RSBN1L: variants seen among roughly 807,000 people sequenced by gnomAD.
The protein encoded by RSBN1L is round spermatid basic protein 1 like.
Under a neutral mutation model 67.7 loss-of-function variants are expected in RSBN1L, and 30 were observed. The ratio of observed to expected loss-of-function variants is 0.44; its 90% confidence interval spans 0.33 to 0.60. The LOEUF (loss-of-function observed/expected upper bound fraction) is 0.60. RSBN1L is among the 20% of genes least tolerant of loss of function. The pLI, the probability that RSBN1L is intolerant of heterozygous loss-of-function variation, is 0.02. For missense variants in RSBN1L, 992 were observed against 1,031.7 expected (o/e 0.96, Z 0.53); for synonymous variants, 433 against 387.0 (o/e 1.12, Z -1.39).
At chr7:77,759,708 A>T (rs1473233505) in intron 3 of RSBN1L, 1 of 152,188 alleles carries the variant, frequency 6.6e-6, no homozygotes, top group Non-Finnish European at 1.5e-5. Flanking sequence ...AAATATCTGT[A>T]TCTCCATATT....
intron 1 of RSBN1L, among the ~76,000 whole-genome samples, chr7:77,720,218 T>G (rs1584280398): frequency 1.3e-5 from 2 of 152,182 alleles, no homozygotes; most frequent in African/African-American, 4.8e-5. Flanking sequence ...TGCTTAAAAT[T>G]AGGTATTGTG....
chr7:77,698,660 T>C (rs989224469), intron 1 of RSBN1L, among the ~76,000 whole-genome samples: 6 of 152,208 alleles, frequency 3.9e-5, no homozygotes, highest in East Asian at 1.9e-4. Flanking sequence ...TTAGAATCCT[T>C]CTTCTTTTGA....
At chr7:77,746,572 C>G (rs1791487341) in intron 2 of RSBN1L, among the ~76,000 whole-genome samples, 1 of 152,170 alleles carries the variant, frequency 6.6e-6, no homozygotes, top group Non-Finnish European at 1.5e-5. Context: ...ATGTCCTTCT[C>G]ACATTGCAAA....
chr7:77,709,644 A>G (rs575048414), intron 1 of RSBN1L, among the ~76,000 whole-genome samples: 6 of 152,214 alleles, frequency 3.9e-5, no homozygotes, highest in African/African-American at 1.2e-4. Flanking sequence ...CTTAGTTCCT[A>G]GGTAAGCAAT....
chr7:77,765,373 GATA>G (rs556024756), intron 3 of RSBN1L, 119 bp from the exon 4 acceptor site: 62 of 767,766 alleles, frequency 8.1e-5, no homozygotes, highest in East Asian at 4.2e-4. Flanking sequence ...AATATTCTGA[GATA>G]ATAATTTATT....
At chr7:77,730,333 C>T (rs1791257631) in intron 1 of RSBN1L, among the ~76,000 whole-genome samples, 1 of 152,180 alleles carries the variant, frequency 6.6e-6, no homozygotes, top group Non-Finnish European at 1.5e-5. Context: ...CTTGCATAGC[C>T]TTCCCCATTA....
chr7:77,719,758 T>C (rs1480485578), intron 1 of RSBN1L, among the ~76,000 whole-genome samples: 1 of 152,210 alleles, frequency 6.6e-6, no homozygotes, highest in Non-Finnish European at 1.5e-5. Flanking sequence ...TTTATGTATA[T>C]ATGTATTTAA....
chr7:77,698,631 A>G (rs1326044184), intron 1 of RSBN1L, among the ~76,000 whole-genome samples: 2 of 152,214 alleles, frequency 1.3e-5, no homozygotes, highest in Non-Finnish European at 2.9e-5. Flanking sequence ...AGGAATTTTT[A>G]TAGTCTTTTC....
At chr7:77,758,018 G>A (rs556494854) in intron 3 of RSBN1L, among the ~76,000 whole-genome samples, 2 of 151,718 alleles carry the variant, frequency 1.3e-5, no homozygotes, top group Non-Finnish European at 2.9e-5. Context: ...CAGCCTGGAC[G>A]ACAGAGTGAG....
At chr7:77,741,617 G>A (rs1342146188) in intron 2 of RSBN1L, among the ~76,000 whole-genome samples, 4 of 151,452 alleles carry the variant, frequency 2.6e-5, no homozygotes, top group African/African-American at 4.9e-5. Context: ...GTGTGAACCC[G>A]GGAGGTGGAG....
At chr7:77,732,279 C>A (rs564756527) in intron 1 of RSBN1L, among the ~76,000 whole-genome samples, 1 of 152,096 alleles carries the variant, frequency 6.6e-6, no homozygotes, top group Non-Finnish European at 1.5e-5. Flanking sequence ...AACAGTGATG[C>A]CACGGCACTG....
intron 1 of RSBN1L, among the ~76,000 whole-genome samples, chr7:77,725,001 C>T (rs895572864): frequency 4.7e-5 from 7 of 150,326 alleles, no homozygotes; most frequent in Non-Finnish European, 7.4e-5. Context: ...CACCACCATG[C>T]CTGGCTAATT....
At chr7:77,709,082 A>G (rs999044158) in intron 1 of RSBN1L, among the ~76,000 whole-genome samples, 2 of 152,104 alleles carry the variant, frequency 1.3e-5, no homozygotes, top group Non-Finnish European at 2.9e-5. Context: ...GTTATCAGAT[A>G]GAACTCAAAA....
intron 2 of RSBN1L, among the ~76,000 whole-genome samples, chr7:77,746,685 C>G (rs1277274420): frequency 6.6e-6 from 1 of 152,204 alleles, no homozygotes; most frequent in Non-Finnish European, 1.5e-5. Flanking sequence ...GGCCAAGTCT[C>G]TTTCACCTAT....
At position 77,696,962 on chromosome 7, in the gene RSBN1L, G is replaced by A; in HGVS notation, c.493G>A (p.Glu165Lys). ...AKSRRPKEKR[E>K]KERRRHGLGG... ...GTCGCGCAGACCTAAGGAGAAGCGG[G>A]AGAAGGAGAGGAGGAGGCACGGTCT... Residue 165 changes from glutamate (E) to lysine (K), a missense_variant, in exon 1 of 8, where the codon GAG becomes AAG. By Grantham distance (56) the Glu-to-Lys change is moderately conservative. Coordinates refer to ENST00000334955, the MANE Select transcript of RSBN1L (RefSeq NM_198467.3). The A allele has an allele frequency of 1.3e-6, 2 of 1,576,808 alleles. No individual in the cohort carries two copies. Among genetic ancestry groups the A allele is most frequent in the South Asian group, 1.1e-5 (1 of 88,044 alleles).
chr7:77,722,867 G>A lies in RSBN1L; in HGVS notation c.587-13543G>A, dbSNP rs1006653661. 2.5e-4 allele frequency among the ~76,000 whole-genome samples: 38 copies of A among 151,882 alleles called. 1 individual carries two copies. Among genetic ancestry groups the A allele is most frequent in the African/African-American group, 8.7e-4 (36 of 41,338 alleles). On this transcript the variant is annotated intron_variant, in intron 1 of 7. Coordinates refer to ENST00000334955, the MANE Select transcript of RSBN1L (RefSeq NM_198467.3). ...TGGCTCATGGCTCATATTCAGGGCAGGCAAAACTGTGATGGTGTGAAGCTT... is the reference window on the plus strand; with the variant it reads ...TGGCTCATGGCTCATATTCAGGGCAAGCAAAACTGTGATGGTGTGAAGCTT...
At chr7:77,736,272 G>T (rs1791334712) in intron 1 of RSBN1L, 138 bp from the exon 2 acceptor site, 1 of 280,892 alleles carries the variant, frequency 3.6e-6, no homozygotes. Flanking sequence ...AACCTGAGAG[G>T]AAAAAGAAAA....
At chr7:77,709,785 T>C (rs1222024072) in intron 1 of RSBN1L, among the ~76,000 whole-genome samples, 2 of 152,216 alleles carry the variant, frequency 1.3e-5, no homozygotes, top group Admixed American at 6.5e-5. Flanking sequence ...TGCCCTGGTA[T>C]TTTTCTAGTG....
chr7:77,705,727 G>T (rs537317214), intron 1 of RSBN1L, among the ~76,000 whole-genome samples: 1 of 151,702 alleles, frequency 6.6e-6, no homozygotes, highest in Non-Finnish European at 1.5e-5. Context: ...GACCAGGCTG[G>T]TCTTGAACTC....
Sources: allele counts gnomAD v4.1 joint callset (sites outside exome capture counted in the v4.1 genomes callset), GRCh38; gene constraint gnomAD v4.1.1; transcripts MANE v1.5; gene names NCBI Gene and HGNC (gene_info 2026-07-23, HGNC 2026-07-21).